CLOCK: variants seen among roughly 807,000 people sequenced by gnomAD.
The protein encoded by CLOCK is clock circadian regulator.
A neutral mutation model predicts 118.4 loss-of-function variants in CLOCK; 43 were observed. That is an observed-to-expected ratio of 0.36 (90% CI 0.28 to 0.47). The LOEUF (loss-of-function observed/expected upper bound fraction) is 0.47. CLOCK is among the 20% of genes least tolerant of loss of function. The probability of loss-of-function intolerance (pLI) is 1.00; values close to 1 mark genes in which losing one functional copy is unlikely to be tolerated. For synonymous variants in CLOCK, 326 were observed against 339.2 expected, an observed-to-expected ratio of 0.96 and a Z score of 0.43; for missense variants, 846 against 999.9, an observed-to-expected ratio of 0.85 and a Z score of 2.08.
rs1722605864 is a variant in CLOCK, at chr4:55,432,739, C to G, written c.*2676G>C. 6.6e-6 allele frequency: 1 copy of G among 152,060 alleles called. No individual in the cohort carries two copies. Among genetic ancestry groups the G allele is most frequent in the Non-Finnish European group, 1.5e-5 (1 of 68,002 alleles). The allele number at this position is 152,060 out of a possible 1,614,324, so 9.4% of individuals were successfully genotyped here. On this transcript the variant is annotated 3_prime_UTR_variant, in exon 23 of 23. Coordinates refer to ENST00000513440, the MANE Select transcript of CLOCK (RefSeq NM_004898.4). ...CTTCCACTACTACGCTTCAGACTGACAGAAAAGCAGCTAGCTGCTCCTTTA... is the reference window on the plus strand; with the variant it reads ...CTTCCACTACTACGCTTCAGACTGAGAGAAAAGCAGCTAGCTGCTCCTTTA...
In CLOCK at chr4:55,470,756, A is replaced by G. The variant is rs778642168; in HGVS notation, c.399T>C (p.Tyr133=). The G allele has an allele frequency of 5.6e-6, 9 of 1,611,826 alleles. No homozygotes were observed. The African/African-American group carries it at 1.2e-4, about 22-fold the overall frequency. The part of the protein sequence containing the change: ...LAIMTDGSII[Y]VSESVTSLLE... ...GTAATGAAGTTACACTCTCAGACAC[A>G]TATATTATGCTTCCATCTGTCATGA... The change falls in exon 8 of 23, where the codon TAT becomes TAC. Residue 133 remains tyrosine, a synonymous_variant. Coordinates refer to ENST00000513440, the MANE Select transcript of CLOCK (RefSeq NM_004898.4).
At chr4:55,470,949 T>C in intron 7 of CLOCK, 143 bp from the exon 8 acceptor site, 2 of 639,108 alleles carry the variant, frequency 3.1e-6, no homozygotes, top group Non-Finnish European at 5.5e-6. Context: ...TTTCCCCCTT[T>C]ACAATACCTT....
At chr4:55,519,731 T>A (rs1015311494) in intron 1 of CLOCK, among the ~76,000 whole-genome samples, 2 of 152,038 alleles carry the variant, frequency 1.3e-5, no homozygotes, top group Admixed American at 6.6e-5. Context: ...TGAGCCGAGA[T>A]TGGCCACTGC....
At chr4:55,484,897 ATTG>A (rs1437346136) in intron 3 of CLOCK, among the ~76,000 whole-genome samples, 5 of 152,138 alleles carry the variant, frequency 3.3e-5, no homozygotes, top group Admixed American at 6.5e-5. Flanking sequence ...CTGTTTTACT[ATTG>A]TTGTTAACAA....
At chr4:55,496,723 T>C (rs1728109345) in intron 2 of CLOCK, among the ~76,000 whole-genome samples, 1 of 152,186 alleles carries the variant, frequency 6.6e-6, no homozygotes, top group African/African-American at 2.4e-5. Context: ...CTAGCTTTAG[T>C]CTTATTTCTC....
chr4:55,459,322 CACAT>C, intron 9 of CLOCK, 61 bp from the exon 10 acceptor site: 1 of 952,558 alleles, frequency 1.0e-6, no homozygotes, highest in South Asian at 1.3e-5. Flanking sequence ...ATTGATATAC[CACAT>C]AAAGTAAGAT....
At chr4:55,490,498 G>A (rs994567800) in intron 2 of CLOCK, among the ~76,000 whole-genome samples, 1 of 152,048 alleles carries the variant, frequency 6.6e-6, no homozygotes, top group South Asian at 2.1e-4. Context: ...TTTAAACAGT[G>A]TATCAGTACA....
chr4:55,448,699 G>T, intron 18 of CLOCK, 80 bp downstream of exon 18: 1 of 1,168,290 alleles, frequency 8.6e-7, no homozygotes, highest in Non-Finnish European at 1.2e-6. Context: ...CAGCAAGCCT[G>T]GATTTTTAAA....
intron 7 of CLOCK, 116 bp downstream of exon 7, chr4:55,475,847 T>C (rs1054919960): frequency 7.1e-6 from 5 of 704,888 alleles, no homozygotes; most frequent in African/African-American, 3.5e-5. Flanking sequence ...ATTAGCTTTA[T>C]TGCAGTGGTC....
At chr4:55,502,774 G>T (rs978785399) in intron 2 of CLOCK, among the ~76,000 whole-genome samples, 2 of 152,084 alleles carry the variant, frequency 1.3e-5, no homozygotes, top group South Asian at 4.1e-4. Flanking sequence ...CAATACAACT[G>T]AACAACTGAA....
rs935648514 is a variant in CLOCK at position 55,434,200 on chromosome 4, A to T, written c.*1215T>A. ...GATGGTGAGTTATCACCTGAATTAAAATCAAGGCACTATGGGGTTTTTTCC... is the reference window on the plus strand; with the variant it reads ...GATGGTGAGTTATCACCTGAATTAATATCAAGGCACTATGGGGTTTTTTCC... On this transcript the variant is annotated 3_prime_UTR_variant, in exon 23 of 23. Transcript: ENST00000513440. 4 of 152,630 alleles carry T rather than the reference A, an allele frequency of 2.6e-5. No individual in the cohort carries two copies. The highest frequency in any genetic ancestry group is 9.7e-5 in the African/African-American group (4 of 41,442). The allele number at this position is 152,630 out of a possible 1,614,324, so 9.5% of individuals were successfully genotyped here.
At chr4:55,518,773 C>A (rs140234014) in intron 1 of CLOCK, among the ~76,000 whole-genome samples, 24 of 152,286 alleles carry the variant, frequency 1.6e-4, no homozygotes, top group African/African-American at 5.3e-4. Context: ...GTCTCTAGAA[C>A]TGAAAACAAT....
At chr4:55,517,483 C>CTG (rs1729587693) in intron 1 of CLOCK, among the ~76,000 whole-genome samples, 1 of 152,076 alleles carries the variant, frequency 6.6e-6, no homozygotes, top group African/African-American at 2.4e-5. Flanking sequence ...GCACTCCAGC[C>CTG]CGGGCAACAG....
intron 6 of CLOCK, among the ~76,000 whole-genome samples, chr4:55,476,443 T>A (rs1029924611): frequency 6.6e-6 from 1 of 152,166 alleles, no homozygotes; most frequent in African/African-American, 2.4e-5. Flanking sequence ...AGAGCAGCAC[T>A]AGGGAAATTA....
intron 7 of CLOCK, among the ~76,000 whole-genome samples, chr4:55,471,356 G>A (rs1024352566): frequency 9.9e-5 from 15 of 152,108 alleles, no homozygotes; most frequent in Admixed American, 1.3e-4. Context: ...ATTTTATTCC[G>A]TATACAATGG....
chr4:55,442,357 T>G (rs1723437621), intron 21 of CLOCK, 75 bp downstream of exon 21: 1 of 1,325,368 alleles, frequency 7.5e-7, no homozygotes, highest in Non-Finnish European at 1.1e-6. Flanking sequence ...AAAAATTTGA[T>G]TAAGAAATCA....
At chr4:55,516,018 C>T (rs904888691) in intron 1 of CLOCK, among the ~76,000 whole-genome samples, 20 of 151,938 alleles carry the variant, frequency 1.3e-4, no homozygotes, top group African/African-American at 4.6e-4. Context: ...GGGGATTTTC[C>T]AGCTGTTACT....
At chr4:55,470,860 A>G (rs185061421) in intron 7 of CLOCK, 54 bp from the exon 8 acceptor site, 1 of 1,277,240 alleles carries the variant, frequency 7.8e-7, no homozygotes, top group East Asian at 2.3e-5. Flanking sequence ...ATTTTGCAGG[A>G]CAGAAATAAA....
chr4:55,523,077 C>T (rs901695718), intron 1 of CLOCK, among the ~76,000 whole-genome samples: 1 of 151,838 alleles, frequency 6.6e-6, no homozygotes, highest in African/African-American at 2.4e-5. Flanking sequence ...GGGCGGATCG[C>T]GAGGTCAGGA....
Sources: allele counts gnomAD v4.1 joint callset (sites outside exome capture counted in the v4.1 genomes callset), GRCh38; gene constraint gnomAD v4.1.1; transcripts MANE v1.5; gene names NCBI Gene and HGNC (gene_info 2026-07-23, HGNC 2026-07-21).